The following TMEM132C variants were observed in gnomAD, a reference collection of about 807,000 sequenced individuals.
The protein encoded by TMEM132C is protein phosphatase 1, regulatory subunit 152.
A neutral mutation model predicts 61.4 loss-of-function variants in TMEM132C; 29 were observed. The observed-to-expected ratio is 0.47, with a 90% confidence interval of 0.35 to 0.64. The LOEUF is 0.64. TMEM132C is among the 30% of genes least tolerant of loss of function. The probability of loss-of-function intolerance (pLI) is 0.00; values close to 1 mark genes in which losing one functional copy is unlikely to be tolerated. For missense variants in TMEM132C, 1,408 were observed against 1,476.9 expected, an observed-to-expected ratio of 0.95 and a Z score of 0.76; for synonymous variants, 656 against 633.1, an observed-to-expected ratio of 1.04 and a Z score of -0.54.
At chr12:128,288,207 T>C (rs914685955) in intron 1 of TMEM132C, 1 of 152,188 alleles carries the variant, frequency 6.6e-6, no homozygotes, top group African/African-American at 2.4e-5. Flanking sequence ...TACAGGCATG[T>C]GCCACCACGC....
intron 3 of TMEM132C, among the ~76,000 whole-genome samples, chr12:128,580,428 G>C (rs1021755283): frequency 6.6e-6 from 1 of 151,624 alleles, no homozygotes; most frequent in African/African-American, 2.4e-5. Flanking sequence ...CTCAAAAAAT[G>C]AAATAAAATA....
chr12:128,662,642 A>G (rs1423702085), intron 4 of TMEM132C, among the ~76,000 whole-genome samples: 2 of 152,182 alleles, frequency 1.3e-5, no homozygotes, highest in African/African-American at 4.8e-5. Flanking sequence ...CCCCATCCAT[A>G]GACTAAGGAT....
In TMEM132C at chr12:128,485,456, C is replaced by T. The variant is rs192288630; in HGVS notation, c.975-58501C>T. ...CCTCCCAAAGTGCTGGGATTACAGG[C>T]GTGAGCCACCACAGCCGGCCTCCCA... On this transcript the variant is annotated intron_variant, in intron 2 of 8. Transcript: ENST00000435159. Among the ~76,000 whole-genome samples, 57 of 152,286 alleles carry T rather than the reference C, an allele frequency of 3.7e-4. No individual in the cohort carries two copies. The East Asian group carries it at 6.0e-3, about 16-fold the overall frequency.
At chr12:128,321,619 C>T (rs1872338108) in intron 1 of TMEM132C, among the ~76,000 whole-genome samples, 1 of 152,164 alleles carries the variant, frequency 6.6e-6, no homozygotes, top group Non-Finnish European at 1.5e-5. Context: ...CAACTAAAGA[C>T]ACAACCACAT....
chr12:128,361,700 G>C (rs1873714235), intron 1 of TMEM132C, among the ~76,000 whole-genome samples: 1 of 151,866 alleles, frequency 6.6e-6, no homozygotes, highest in Admixed American at 6.6e-5. Flanking sequence ...GCCTGTGGGA[G>C]GAGATGGAGA....
chr12:128,569,649 G>C (rs973126456), intron 3 of TMEM132C, among the ~76,000 whole-genome samples: 1 of 152,190 alleles, frequency 6.6e-6, no homozygotes, highest in Non-Finnish European at 1.5e-5. Flanking sequence ...ACACTAGAGC[G>C]GCTTGTGGAG....
At chr12:128,642,530 T>C (rs1394200247) in intron 4 of TMEM132C, among the ~76,000 whole-genome samples, 2 of 152,126 alleles carry the variant, frequency 1.3e-5, no homozygotes, top group African/African-American at 4.8e-5. Context: ...ATCCTTCTGG[T>C]GGTAATGAGT....
intron 3 of TMEM132C, among the ~76,000 whole-genome samples, chr12:128,578,898 G>A (rs768320857): frequency 4.6e-4 from 69 of 149,566 alleles, no homozygotes; most frequent in Non-Finnish European, 6.9e-4. Context: ...ATGCCCAGCC[G>A]AAAGTTTTTT....
chr12:128,652,052 T>A (rs59753713), intron 4 of TMEM132C, among the ~76,000 whole-genome samples: 5,521 of 152,296 alleles, frequency 0.036, 115 homozygotes, highest in Middle Eastern at 0.061. Context: ...AGAAGTCACA[T>A]GCCTGGACCC....
At chr12:128,322,613 T>A (rs1282723847) in intron 1 of TMEM132C, among the ~76,000 whole-genome samples, 1 of 152,226 alleles carries the variant, frequency 6.6e-6, no homozygotes, top group Non-Finnish European at 1.5e-5. Context: ...CCGTCACTCC[T>A]AAGAGCTCAC....
rs76800501 is a variant in TMEM132C, at chr12:128,568,657, A to G, written c.1121+24554A>G. On this transcript the variant is annotated intron_variant, in intron 3 of 8. Transcript: ENST00000435159. ...AAGTGGCAGAGTGGGGATTTCAACT[A>G]GCTCAGAATCTATGTTCTTAACCTC... Among the ~76,000 whole-genome samples the G allele has an allele frequency of 1.8e-3, 272 of 152,284 alleles. 1 individual carries two copies. The highest frequency in any genetic ancestry group is 7.2e-3 in the East Asian group (37 of 5,172).
chr12:128,491,813 A>C (rs556126129), intron 2 of TMEM132C, among the ~76,000 whole-genome samples: 3 of 148,814 alleles, frequency 2.0e-5, no homozygotes, highest in African/African-American at 7.4e-5. Flanking sequence ...CTGTCCTCTT[A>C]TGGACCACTT....
chr12:128,549,089 G>T (rs911078658), intron 3 of TMEM132C, among the ~76,000 whole-genome samples: 1 of 152,138 alleles, frequency 6.6e-6, no homozygotes, highest in Non-Finnish European at 1.5e-5. Flanking sequence ...ACCTGCTAAG[G>T]GGAAGCTCAG....
chr12:128,342,584 T>TTTCTTCTG (rs149964354), intron 1 of TMEM132C, among the ~76,000 whole-genome samples: 10 of 151,676 alleles, frequency 6.6e-5, no homozygotes, highest in Non-Finnish European at 1.5e-4. Context: ...CCTCCCTCCT[T>TTTCTTCTG]TTCTTCTGTT....
chr12:128,590,190 T>A (rs975761012), intron 3 of TMEM132C, among the ~76,000 whole-genome samples: 10 of 152,146 alleles, frequency 6.6e-5, no homozygotes, highest in African/African-American at 2.2e-4. Context: ...AATGTGGAAG[T>A]CAGAGTTAGT....
At chr12:128,361,415 C>T (rs540988433) in intron 1 of TMEM132C, among the ~76,000 whole-genome samples, 22 of 152,128 alleles carry the variant, frequency 1.4e-4, no homozygotes, top group Admixed American at 2.0e-4. Flanking sequence ...CTCAAATTTG[C>T]GGGCACCAAC....
chr12:128,347,340 G>A (rs559538164), intron 1 of TMEM132C, among the ~76,000 whole-genome samples: 2 of 151,102 alleles, frequency 1.3e-5, no homozygotes, highest in African/African-American at 4.9e-5. Context: ...TGGGCACTTA[G>A]GTTGGTTCCA....
chr12:128,362,436 T>A (rs1050678995), intron 1 of TMEM132C, among the ~76,000 whole-genome samples: 2 of 152,192 alleles, frequency 1.3e-5, no homozygotes, highest in Non-Finnish European at 2.9e-5. Flanking sequence ...ATGGTGTGAG[T>A]TGCTAAAAAG....
chr12:128,374,563 CT>C (rs1874128200), intron 1 of TMEM132C, among the ~76,000 whole-genome samples: 1 of 152,108 alleles, frequency 6.6e-6, no homozygotes, highest in Non-Finnish European at 1.5e-5. Context: ...GCTACTGGCT[CT>C]TCCACTTGGT....
Sources: gnomAD v4.1 joint callset for allele counts (sites outside exome capture counted in the v4.1 genomes callset) on GRCh38, gnomAD v4.1.1 for gene constraint, MANE v1.5 for transcripts, NCBI Gene and HGNC (gene_info 2026-07-23, HGNC 2026-07-21) for gene names.